CSMD3: variants seen among roughly 807,000 people sequenced by gnomAD.
CSMD3 encodes CUB and Sushi multiple domains 3, also known as CUB and sushi domain-containing protein 3.
CSMD3 carries 177 observed loss-of-function variants against 435.2 expected under a neutral mutation model. The ratio of observed to expected loss-of-function variants is 0.41; its 90% CI spans 0.36 to 0.46. The LOEUF is 0.46. Among genes scored for constraint, CSMD3 ranks in the 20% least tolerant of loss-of-function variants. CSMD3 has a pLI of 0.34. For missense variants in CSMD3, 4,265 were observed against 4,504.6 expected, an observed-to-expected ratio of 0.95 and a Z score of 1.52; for synonymous variants, 1,656 against 1,520.5, an observed-to-expected ratio of 1.09 and a Z score of -2.07.
rs1051604807 is a variant in CSMD3 at position 112,898,041 on chromosome 8, G to A, written c.1633+23586C>T. 3.3e-5 allele frequency among the ~76,000 whole-genome samples: 5 copies of A among 151,150 alleles called. No homozygotes were observed. The South Asian group carries it at 6.3e-4, about 19-fold the overall frequency. ...TTGCCAACCAGATTATTTGTTATAC[G>A]TATAGAAATACTTCCATAAGTATAA... On this transcript the variant is annotated intron_variant, in intron 10 of 70. Transcript: ENST00000297405.
intron 35 of CSMD3, among the ~76,000 whole-genome samples, chr8:112,401,830 GTAC>G (rs1366760655): frequency 6.6e-6 from 1 of 152,150 alleles, no homozygotes; most frequent in Non-Finnish European, 1.5e-5. Flanking sequence ...AAGAATGACA[GTAC>G]TCAATGCTTT....
intron 2 of CSMD3, among the ~76,000 whole-genome samples, chr8:113,301,450 C>T (rs558481275): frequency 6.6e-6 from 1 of 151,964 alleles, no homozygotes; most frequent in South Asian, 2.1e-4. Context: ...AATCACATCT[C>T]ACTCAGATAT....
chr8:113,367,139 A>G (rs2094317348), intron 1 of CSMD3, among the ~76,000 whole-genome samples: 2 of 151,872 alleles, frequency 1.3e-5, no homozygotes, highest in African/African-American at 2.4e-5. Flanking sequence ...AATTGAATGA[A>G]TGCTTTTGGA....
intron 13 of CSMD3, among the ~76,000 whole-genome samples, chr8:112,780,269 T>A (rs1217174161): frequency 1.3e-5 from 2 of 152,064 alleles, no homozygotes; most frequent in East Asian, 1.9e-4. Flanking sequence ...TAGTTCCCCA[T>A]TGGCTCAGGC....
intron 31 of CSMD3, among the ~76,000 whole-genome samples, chr8:112,473,753 C>T (rs1586441921): frequency 7.1e-6 from 1 of 140,454 alleles, no homozygotes; most frequent in East Asian, 2.2e-4. Flanking sequence ...AACACCTTGC[C>T]ATCTGGCCCT....
intron 30 of CSMD3, among the ~76,000 whole-genome samples, chr8:112,495,974 T>C (rs1282153847): frequency 6.6e-6 from 1 of 151,858 alleles, no homozygotes; most frequent in Non-Finnish European, 1.5e-5. Flanking sequence ...GAAGTGAACA[T>C]ACACAATAAA....
rs570283738 is a variant in CSMD3 at position 112,407,818 on chromosome 8, T to C, written c.5605+500A>G. 6.7e-4 allele frequency among the ~76,000 whole-genome samples: 102 copies of C among 152,084 alleles called. 1 individual carries two copies. The highest frequency in any genetic ancestry group is 2.3e-3 in the African/African-American group (97 of 41,554). On this transcript the variant is annotated intron_variant, in intron 34 of 70. Transcript: ENST00000297405. Reference sequence around the variant, plus strand: ...AAGGTTGTCTACCACAGGCAAGAAATAAAATGTGTAAACAAACTTCTAATT... The same window carrying C: ...AAGGTTGTCTACCACAGGCAAGAAACAAAATGTGTAAACAAACTTCTAATT...
chr8:112,417,061 A>G (rs1586255678), intron 32 of CSMD3, among the ~76,000 whole-genome samples: 1 of 152,280 alleles, frequency 6.6e-6, no homozygotes, highest in East Asian at 1.9e-4. Flanking sequence ...GACAGTGCCA[A>G]TCAAAGCTTG....
intron 11 of CSMD3, among the ~76,000 whole-genome samples, chr8:112,854,676 T>A (rs971579589): frequency 6.6e-6 from 1 of 152,196 alleles, no homozygotes; most frequent in African/African-American, 2.4e-5. Flanking sequence ...TGAGAAGGAA[T>A]GGGATCATGA....
At position 112,985,127 on chromosome 8, in the gene CSMD3, A is replaced by AT. The variant is rs200701818; in HGVS notation, c.1031-8980dup. The stretch of plus-strand genomic sequence containing the variant: ...TGATATGTTTAATAGAGGATACAGT[A>AT]TAACTAGGAAAACACAGCTGTGGAA... On this transcript the variant is annotated intron_variant, in intron 6 of 70. Transcript: ENST00000297405. 5.7e-3 allele frequency among the ~76,000 whole-genome samples: 861 copies of AT among 152,232 alleles called. 8 individuals carry two copies. The highest frequency in any genetic ancestry group is 0.02 in the African/African-American group (828 of 41,540).
chr8:112,698,242 C>G (rs1228360751), intron 13 of CSMD3, among the ~76,000 whole-genome samples: 1 of 152,024 alleles, frequency 6.6e-6, no homozygotes, highest in Non-Finnish European at 1.5e-5. Context: ...ACAGAAAAGA[C>G]TACAAAGAAC....
intron 22 of CSMD3, among the ~76,000 whole-genome samples, chr8:112,628,959 A>G (rs2074433386): frequency 6.6e-6 from 1 of 152,166 alleles, no homozygotes; most frequent in South Asian, 2.1e-4. Context: ...TAAGTAAGAG[A>G]GTAACATAAT....
At chr8:112,776,856 C>T (rs1028670991) in intron 13 of CSMD3, among the ~76,000 whole-genome samples, 1 of 151,630 alleles carries the variant, frequency 6.6e-6, no homozygotes, top group Non-Finnish European at 1.5e-5. Context: ...AGTTGATTCA[C>T]TCGTGTGTAA....
chr8:112,551,590 G>T (rs568649145), intron 26 of CSMD3, among the ~76,000 whole-genome samples: 1 of 152,056 alleles, frequency 6.6e-6, no homozygotes, highest in Admixed American at 6.6e-5. Flanking sequence ...TTTAGAAATT[G>T]CAGAAATCTG....
intron 10 of CSMD3, among the ~76,000 whole-genome samples, chr8:112,896,343 T>A (rs182557650): frequency 6.6e-6 from 1 of 151,360 alleles, no homozygotes; most frequent in Non-Finnish European, 1.5e-5. Flanking sequence ...CCGATAGATA[T>A]GAAGTGATAA....
intron 11 of CSMD3, among the ~76,000 whole-genome samples, chr8:112,844,514 T>C (rs2080263911): frequency 6.6e-6 from 1 of 152,040 alleles, no homozygotes; most frequent in African/African-American, 2.4e-5. Context: ...CATCAAGGAA[T>C]ATTTCTTAAG....
At chr8:112,552,199 T>TAA (rs1429329027) in intron 26 of CSMD3, among the ~76,000 whole-genome samples, 1 of 152,038 alleles carries the variant, frequency 6.6e-6, no homozygotes, top group Non-Finnish European at 1.5e-5. Flanking sequence ...AAACTCTGTA[T>TAA]ATCAGTCAAA....
intron 4 of CSMD3, among the ~76,000 whole-genome samples, chr8:113,161,465 C>T (rs1478335299): frequency 6.6e-6 from 1 of 151,948 alleles, no homozygotes; most frequent in Non-Finnish European, 1.5e-5. Flanking sequence ...TTGTGTTATG[C>T]TTAAAATTAT....
At chr8:112,669,531 T>C (rs1459583387) in intron 16 of CSMD3, among the ~76,000 whole-genome samples, 1 of 152,096 alleles carries the variant, frequency 6.6e-6, no homozygotes, top group Non-Finnish European at 1.5e-5. Flanking sequence ...AGCTTGTGTA[T>C]CTCCAGGTGT....
Sources: gnomAD v4.1 joint callset for allele counts (sites outside exome capture counted in the v4.1 genomes callset) on GRCh38, gnomAD v4.1.1 for gene constraint, MANE v1.5 for transcripts, NCBI Gene and HGNC (gene_info 2026-07-23, HGNC 2026-07-21) for gene names.